PRKN: variants seen among roughly 807,000 people sequenced by gnomAD.
PRKN encodes E3 ubiquitin-protein ligase parkin.
Under a neutral mutation model 59.5 loss-of-function variants are expected in PRKN, and 56 were observed. The ratio of observed to expected loss-of-function variants is 0.94; its 90% confidence interval spans 0.76 to 1.18. The LOEUF (loss-of-function observed/expected upper bound fraction) is 1.18, where lower values mean the gene tolerates loss of function less well. Among genes scored for constraint, PRKN ranks in the 50% most tolerant of loss-of-function variants. The pLI is 0.00. For synonymous variants in PRKN, 250 were observed against 222.1 expected (o/e 1.13, Z -1.12); for missense variants, 657 against 596.4 (o/e 1.10, Z -1.06).
At chr6:162,265,253 C>T (rs1367217897) in intron 2 of PRKN, 1 of 152,166 alleles carries the variant, frequency 6.6e-6, no homozygotes, top group Non-Finnish European at 1.5e-5. Context: ...ATCATGCACG[C>T]CTGTACATTA....
intron 5 of PRKN, among the ~76,000 whole-genome samples, chr6:162,052,022 A>G (rs1228971501): frequency 2.0e-5 from 3 of 152,210 alleles, no homozygotes; most frequent in Non-Finnish European, 4.4e-5. Context: ...AGATACCAGG[A>G]ATGACTGTGT....
intron 6 of PRKN, among the ~76,000 whole-genome samples, chr6:161,970,694 C>T (rs1457852302): frequency 6.6e-6 from 1 of 151,670 alleles, no homozygotes; most frequent in Non-Finnish European, 1.5e-5. Context: ...TGTGCCACTA[C>T]GCCTGGCTAA....
At chr6:162,611,426 T>C (rs1305553555) in intron 1 of PRKN, among the ~76,000 whole-genome samples, 1 of 152,140 alleles carries the variant, frequency 6.6e-6, no homozygotes, top group Non-Finnish European at 1.5e-5. Context: ...CTAAGGAGAT[T>C]TGGTATTAAC....
chr6:162,146,010 A>G (rs1416301638), intron 4 of PRKN, among the ~76,000 whole-genome samples: 1 of 152,182 alleles, frequency 6.6e-6, no homozygotes, highest in African/African-American at 2.4e-5. Flanking sequence ...CCACACAGAA[A>G]AGGTTGGGGT....
intron 6 of PRKN, among the ~76,000 whole-genome samples, chr6:161,963,017 C>T (rs896626634): frequency 6.6e-6 from 1 of 152,102 alleles, no homozygotes; most frequent in African/African-American, 2.4e-5. Flanking sequence ...GTGGCATATG[C>T]CTTTAATCCC....
At chr6:162,324,878 T>G (rs1231924687) in intron 2 of PRKN, among the ~76,000 whole-genome samples, 1 of 152,104 alleles carries the variant, frequency 6.6e-6, no homozygotes, top group Non-Finnish European at 1.5e-5. Flanking sequence ...ATGGCAATAT[T>G]GTGTCCTAAA....
chr6:162,349,004 G>T (rs1784516546), intron 2 of PRKN, among the ~76,000 whole-genome samples: 1 of 152,034 alleles, frequency 6.6e-6, no homozygotes, highest in South Asian at 2.1e-4. Flanking sequence ...TTGACTACTT[G>T]GATGAAATGG....
chr6:162,556,254 G>A lies in PRKN; in HGVS notation c.8-112781C>T, dbSNP rs534443576. ...TTATTTACCATTGTAAGCTCTCTGC[G>A]AAATGTTTTGGAAACCCAAGTTGAG... On this transcript the variant is annotated intron_variant, in intron 1 of 11. Coordinates refer to ENST00000366898, the MANE Select transcript of PRKN (RefSeq NM_004562.3). 2.4e-4 allele frequency among the ~76,000 whole-genome samples: 36 copies of A among 152,060 alleles called. 1 individual carries two copies. The South Asian group carries it at 4.2e-3, about 18-fold the overall frequency.
intron 6 of PRKN, among the ~76,000 whole-genome samples, chr6:161,829,849 CAAAAAAAA>C (rs11457054): frequency 9.3e-5 from 8 of 86,438 alleles, no homozygotes; most frequent in South Asian, 4.0e-4. Context: ...CACTAAATGC[CAAAAAAAA>C]AAAAAAAAAA....
rs189541047 is a variant in PRKN, at chr6:162,473,225, T to C, written c.8-29752A>G. Among the ~76,000 whole-genome samples, 494 of 152,304 alleles carry C rather than the reference T, an allele frequency of 3.2e-3. 3 individuals carry two copies. The highest frequency in any genetic ancestry group is 5.3e-3 in the Non-Finnish European group (358 of 68,036). ...TTACCACAACTGGATATTTCAAGTA[T>C]GGAAGCACCATGATGTGAAGCAAAG... On this transcript the variant is annotated intron_variant, in intron 1 of 11. Coordinates refer to ENST00000366898, the MANE Select transcript of PRKN (RefSeq NM_004562.3).
rs554025600 is a variant in PRKN, at chr6:161,831,928, G to A, written c.735-46020C>T. 2.0e-5 allele frequency among the ~76,000 whole-genome samples: 3 copies of A among 152,312 alleles called. No individual in the cohort carries two copies. In the East Asian group the frequency reaches 5.8e-4, roughly 29 times the overall value. On this transcript the variant is annotated intron_variant, in intron 6 of 11. Coordinates refer to ENST00000366898, the MANE Select transcript of PRKN (RefSeq NM_004562.3). The stretch of plus-strand genomic sequence containing the variant: ...CCACTTTGGGCCATGCCAAATGACT[G>A]GGGAGCCACAAGGGCCTCTTGGGAC...
chr6:161,564,788 G>A (rs1245032884), intron 8 of PRKN, among the ~76,000 whole-genome samples: 1 of 152,092 alleles, frequency 6.6e-6, no homozygotes, highest in Non-Finnish European at 1.5e-5. Context: ...ATCTCAGCGT[G>A]CACAGGGGTG....
chr6:162,206,377 C>A (rs1192002977), intron 3 of PRKN, among the ~76,000 whole-genome samples: 1 of 152,156 alleles, frequency 6.6e-6, no homozygotes, highest in Non-Finnish European at 1.5e-5. Context: ...CTGGCTTGCA[C>A]CAACACCACA....
chr6:162,446,599 G>A (rs2142525), intron 1 of PRKN, among the ~76,000 whole-genome samples: 59,195 of 151,956 alleles, frequency 0.39, 12,213 homozygotes, highest in African/African-American at 0.52. Context: ...ATTTTTAACA[G>A]TAAATCTAAC....
intron 1 of PRKN, among the ~76,000 whole-genome samples, chr6:162,678,238 A>C (rs1779627061): frequency 6.6e-6 from 1 of 152,210 alleles, no homozygotes; most frequent in Non-Finnish European, 1.5e-5. Flanking sequence ...GTCTTTGTCT[A>C]TTACAAATAA....
chr6:162,009,628 A>G (rs1412791958), intron 5 of PRKN, among the ~76,000 whole-genome samples: 1 of 151,868 alleles, frequency 6.6e-6, no homozygotes, highest in East Asian at 1.9e-4. Flanking sequence ...CACAGGATGC[A>G]TGCAGTGAAA....
chr6:161,589,528 G>A (rs1781639359), intron 7 of PRKN, among the ~76,000 whole-genome samples: 1 of 151,188 alleles, frequency 6.6e-6, no homozygotes, highest in Non-Finnish European at 1.5e-5. Flanking sequence ...CCCTCTTCAG[G>A]TAGATAACTC....
intron 5 of PRKN, among the ~76,000 whole-genome samples, chr6:162,052,525 G>A (rs571290377): frequency 1.1e-3 from 160 of 152,136 alleles, no homozygotes; most frequent in African/African-American, 3.6e-3. Context: ...TTGAAACACT[G>A]AGAAAATTAT....
chr6:161,975,460 T>C (rs1327310146), intron 5 of PRKN, among the ~76,000 whole-genome samples: 2 of 152,234 alleles, frequency 1.3e-5, no homozygotes, highest in Admixed American at 6.5e-5. Context: ...ATTTATTTAA[T>C]AAATGCTATA....
Sources: allele counts gnomAD v4.1 joint callset (sites outside exome capture counted in the v4.1 genomes callset), GRCh38; gene constraint gnomAD v4.1.1; transcripts MANE v1.5; gene names NCBI Gene and HGNC (gene_info 2026-07-23, HGNC 2026-07-21).